CNTN6: variants seen among roughly 807,000 people sequenced by gnomAD.
The protein encoded by CNTN6 is contactin 6, also known as contactin-6.
Under a neutral mutation model 122.8 loss-of-function variants are expected in CNTN6, and 137 were observed. The observed-to-expected ratio is 1.12, with a 90% CI of 0.97 to 1.29. The LOEUF is 1.29. Among genes scored for constraint, CNTN6 ranks in the 50% most tolerant of loss-of-function variants. The pLI is 0.00. For missense variants in CNTN6, 1,634 were observed against 1,223.4 expected (o/e 1.34, Z -5.01); for synonymous variants, 570 against 426.0 (o/e 1.34, Z -4.16).
intron 1 of CNTN6, among the ~76,000 whole-genome samples, chr3:1,097,456 G>A (rs139330250): frequency 1.8e-4 from 27 of 152,232 alleles, no homozygotes; most frequent in Admixed American, 5.2e-4. Context: ...ATGATGTGTC[G>A]TATGAAGTAT....
At chr3:1,112,585 C>G (rs1234821617) in intron 1 of CNTN6, among the ~76,000 whole-genome samples, 2 of 152,060 alleles carry the variant, frequency 1.3e-5, no homozygotes, top group Middle Eastern at 3.2e-3. Flanking sequence ...CATCCAGGCC[C>G]CCAGCTGATA....
intron 22 of CNTN6, 85 bp downstream of exon 22, chr3:1,402,571 T>C (rs1219169663): frequency 3.6e-6 from 4 of 1,119,078 alleles, no homozygotes; most frequent in East Asian, 2.6e-5. Flanking sequence ...CTTCCAGTTA[T>C]GGCTTAAATG....
At chr3:1,271,414 C>A (rs2095024617) in intron 4 of CNTN6, among the ~76,000 whole-genome samples, 1 of 152,062 alleles carries the variant, frequency 6.6e-6, no homozygotes, top group Non-Finnish European at 1.5e-5. Flanking sequence ...CTTTAGGAGC[C>A]ATATACCCAA....
At chr3:1,374,410 G>A (rs186368116) in intron 16 of CNTN6, among the ~76,000 whole-genome samples, 89 of 152,208 alleles carry the variant, frequency 5.8e-4, no homozygotes, top group Middle Eastern at 6.8e-3. Context: ...TCATTAAAAT[G>A]TTGTAGCCAG....
intron 20 of CNTN6, among the ~76,000 whole-genome samples, chr3:1,387,831 C>G (rs1693297919): frequency 6.6e-6 from 1 of 151,890 alleles, no homozygotes; most frequent in African/African-American, 2.4e-5. Context: ...GTCACTCCCA[C>G]CCGAATATTG....
chr3:1,306,675 GT>G (rs1355214542), intron 7 of CNTN6, among the ~76,000 whole-genome samples: 4 of 152,104 alleles, frequency 2.6e-5, no homozygotes, highest in Non-Finnish European at 5.9e-5. Context: ...ACAGCAGAAT[GT>G]TTGTAAGGAC....
intron 2 of CNTN6, among the ~76,000 whole-genome samples, chr3:1,213,983 T>C (rs2094088115): frequency 6.6e-6 from 1 of 152,114 alleles, no homozygotes; most frequent in Non-Finnish European, 1.5e-5. Flanking sequence ...CTAGCGCTCA[T>C]ACTAGCTAAT....
intron 2 of CNTN6, among the ~76,000 whole-genome samples, chr3:1,198,819 C>T (rs1188237299): frequency 6.6e-6 from 1 of 152,050 alleles, no homozygotes; most frequent in East Asian, 1.9e-4. Context: ...CACTCAGAAA[C>T]TAAGAGTGCG....
intron 11 of CNTN6, among the ~76,000 whole-genome samples, chr3:1,336,547 G>A (rs9812308): frequency 0.018 from 2,759 of 152,140 alleles, 94 homozygotes; most frequent in African/African-American, 0.062. Context: ...AACCAATTCC[G>A]TTACCTTTAT....
chr3:1,271,793 C>T (rs3772324), intron 4 of CNTN6, among the ~76,000 whole-genome samples: 41,759 of 151,940 alleles, frequency 0.27, 7,104 homozygotes, highest in East Asian at 0.52. Context: ...ATGGTTTGAC[C>T]ATGGAGTATT....
At chr3:1,260,881 A>G (rs1324561070) in intron 4 of CNTN6, among the ~76,000 whole-genome samples, 1 of 152,130 alleles carries the variant, frequency 6.6e-6, no homozygotes, top group African/African-American at 2.4e-5. Flanking sequence ...CTGTGAGCCA[A>G]TTAAACCTCT....
intron 2 of CNTN6, among the ~76,000 whole-genome samples, chr3:1,156,184 A>G (rs2092957733): frequency 6.6e-6 from 1 of 152,158 alleles, no homozygotes; most frequent in East Asian, 1.9e-4. Context: ...GATATTCTGC[A>G]TTGTTCTTCT....
intron 12 of CNTN6, among the ~76,000 whole-genome samples, chr3:1,362,062 T>G (rs1280418428): frequency 6.6e-6 from 1 of 152,092 alleles, no homozygotes; most frequent in African/African-American, 2.4e-5. Context: ...AGTCAGGACA[T>G]CTGAAGGACT....
intron 1 of CNTN6, among the ~76,000 whole-genome samples, chr3:1,133,905 A>G (rs1210117166): frequency 6.6e-6 from 1 of 152,206 alleles, no homozygotes; most frequent in East Asian, 1.9e-4. Context: ...CTGGAGCAAC[A>G]GCCTGCTGTG....
At chr3:1,264,775 T>A (rs1307589098) in intron 4 of CNTN6, among the ~76,000 whole-genome samples, 2 of 152,196 alleles carry the variant, frequency 1.3e-5, no homozygotes, top group East Asian at 1.9e-4. Flanking sequence ...ATTTATTATT[T>A]TTACCACTCT....
chr3:1,151,197 T>G (rs1324416668), intron 2 of CNTN6, among the ~76,000 whole-genome samples: 1 of 152,218 alleles, frequency 6.6e-6, no homozygotes, highest in Non-Finnish European at 1.5e-5. Flanking sequence ...CTCACTATGC[T>G]TTAAGCTTCC....
intron 1 of CNTN6, among the ~76,000 whole-genome samples, chr3:1,141,109 G>C (rs1440836609): frequency 1.3e-5 from 2 of 152,120 alleles, no homozygotes. Flanking sequence ...GCTAAAGTTG[G>C]AAATCTGTTA....
At chr3:1,307,002 T>C (rs865856946) in intron 7 of CNTN6, among the ~76,000 whole-genome samples, 30 of 152,360 alleles carry the variant, frequency 2.0e-4, no homozygotes, top group Middle Eastern at 6.8e-3. Flanking sequence ...CATTCCATCA[T>C]TAATTCCTTC....
At chr3:1,287,639 G>A (rs1477527440) in intron 5 of CNTN6, among the ~76,000 whole-genome samples, 2 of 151,958 alleles carry the variant, frequency 1.3e-5, no homozygotes, top group East Asian at 1.9e-4. Flanking sequence ...AAAATAAGAT[G>A]TGGTAAAGAA....
Sources: allele counts gnomAD v4.1 joint callset (sites outside exome capture counted in the v4.1 genomes callset), GRCh38; gene constraint gnomAD v4.1.1; transcripts MANE v1.5; gene names NCBI Gene and HGNC (gene_info 2026-07-23, HGNC 2026-07-21).